ARHGEF3: variants seen among roughly 807,000 people sequenced by gnomAD.
ARHGEF3 encodes 59.8 kDA protein.
A neutral mutation model predicts 63.2 loss-of-function variants in ARHGEF3; 28 were observed. The ratio of observed to expected loss-of-function variants is 0.44; its 90% CI spans 0.33 to 0.61. ARHGEF3 has a LOEUF of 0.61. Ranked by LOEUF, ARHGEF3 falls within the 20% of genes least tolerant of loss-of-function variation. ARHGEF3 has a pLI of 0.03. For synonymous variants in ARHGEF3, 266 were observed against 254.2 expected, an observed-to-expected ratio of 1.05 and a Z score of -0.44; for missense variants, 533 against 659.3, an observed-to-expected ratio of 0.81 and a Z score of 2.10.
intron 4 of ARHGEF3, among the ~76,000 whole-genome samples, chr3:56,821,234 T>C (rs1407895695): frequency 6.6e-6 from 1 of 151,984 alleles, no homozygotes; most frequent in Non-Finnish European, 1.5e-5. Flanking sequence ...ATGAGTAAAG[T>C]GATATATGGC....
At chr3:56,847,368 G>C (rs570413861) in intron 4 of ARHGEF3, among the ~76,000 whole-genome samples, 1 of 152,238 alleles carries the variant, frequency 6.6e-6, no homozygotes, top group South Asian at 2.1e-4. Context: ...CTTCAATTTG[G>C]TTTCCCAAGC....
At chr3:56,787,490 G>A (rs1368151592) in intron 1 of ARHGEF3, among the ~76,000 whole-genome samples, 2 of 152,074 alleles carry the variant, frequency 1.3e-5, no homozygotes, top group Non-Finnish European at 2.9e-5. Context: ...GAAAGGAAAG[G>A]AGGCACTGAG....
At chr3:57,019,351 G>A (rs1703151253) in intron 2 of ARHGEF3, among the ~76,000 whole-genome samples, 1 of 151,972 alleles carries the variant, frequency 6.6e-6, no homozygotes, top group Non-Finnish European at 1.5e-5. Context: ...TTTTTTCCCT[G>A]GACCCAAGTG....
rs561138777 is a variant in ARHGEF3 at position 56,736,180 on chromosome 3, GCATT to G, written c.1041+1001_1041+1004del. 1.4e-3 allele frequency among the ~76,000 whole-genome samples: 219 copies of G among 151,964 alleles called. 1 individual carries two copies. Among genetic ancestry groups the G allele is most frequent in the African/African-American group, 4.9e-3 (201 of 41,410 alleles). ...CAAATTCATCTTTCCTTTTAAACAA[GCATT>G]CATTCATTGAGTACCCAGTATGTGC... is the stretch of plus-strand genomic sequence containing the variant. On this transcript the variant is annotated intron_variant, in intron 8 of 9. Transcript: ENST00000296315.
chr3:56,968,126 C>T lies in ARHGEF3; in HGVS notation c.63-9237G>A, dbSNP rs1320805774. Among the ~76,000 whole-genome samples, 128 of 26,482 alleles carry T rather than the reference C, an allele frequency of 4.8e-3. 3 individuals are homozygous for T. The East Asian group carries it at 0.049, about 10-fold the overall frequency. The allele number at this position is 26,482 out of a possible 152,430, so 17.4% of individuals were successfully genotyped here. A position where few individuals can be genotyped will look rare whatever the true frequency, so the allele number is the denominator to read the frequency against. On this transcript the variant is annotated intron_variant, in intron 2 of 12. Transcript: ENST00000338458. Reference sequence around the variant, plus strand: ...TATATTGTATATAATATATATAAAACATATATTTTTATATATAATATATAT... The same window carrying T: ...TATATTGTATATAATATATATAAAATATATATTTTTATATATAATATATAT...
chr3:56,916,582 G>A lies in ARHGEF3; in HGVS notation c.130-34228C>T, dbSNP rs1271998410. On this transcript the variant is annotated intron_variant, in intron 3 of 12. Coordinates refer to the ARHGEF3 transcript ENST00000338458. The stretch of plus-strand genomic sequence containing the variant: ...GCTGCTTTTGCAGAGCACTCTTTGG[G>A]CATTCAAAGGTACACCAGAAGTTCA... 5 of 1,017,846 alleles carry A rather than the reference G, an allele frequency of 4.9e-6. No individual in the cohort carries two copies. The African/African-American group carries it at 8.4e-5, about 17-fold the overall frequency. The allele number at this position is 1,017,846 out of a possible 1,614,324, so 63.1% of individuals were successfully genotyped here.
At chr3:56,754,902 G>T in intron 3 of ARHGEF3, 79 bp downstream of exon 3, 1 of 1,573,988 alleles carries the variant, frequency 6.4e-7, no homozygotes, top group Non-Finnish European at 8.7e-7. Context: ...GGAGACTAAG[G>T]CGCAAATTCC....
In ARHGEF3 at chr3:56,978,103, C is replaced by T. The variant is rs77953105; in HGVS notation, c.63-19214G>A. 2.8e-3 allele frequency among the ~76,000 whole-genome samples: 421 copies of T among 152,288 alleles called. 2 individuals are homozygous for T. Among genetic ancestry groups the T allele is most frequent in the African/African-American group, 9.8e-3 (407 of 41,552 alleles). The stretch of plus-strand genomic sequence containing the variant: ...TGGGGACCCCAGGTGCGGTCACCCC[C>T]GCCCCGTACTAGGCTACATGGCTTC... On this transcript the variant is annotated intron_variant, in intron 2 of 12. Transcript: ENST00000338458.
intron 2 of ARHGEF3, among the ~76,000 whole-genome samples, chr3:56,972,890 G>A (rs1700973897): frequency 6.6e-6 from 1 of 152,030 alleles, no homozygotes; most frequent in South Asian, 2.1e-4. Flanking sequence ...AGAAGCTCCA[G>A]GTGGCGAGAC....
At chr3:56,853,164 T>G (rs1437304233) in intron 4 of ARHGEF3, among the ~76,000 whole-genome samples, 1 of 150,850 alleles carries the variant, frequency 6.6e-6, no homozygotes, top group Non-Finnish European at 1.5e-5. Flanking sequence ...GGTACAGAGG[T>G]AACAGAACAG....
At position 57,055,854 on chromosome 3, in the gene ARHGEF3, T is replaced by C. The variant is rs553480967; in HGVS notation, c.-27-20678A>G. Among the ~76,000 whole-genome samples the C allele has an allele frequency of 1.3e-4, 20 of 152,270 alleles. No homozygotes were observed. In the South Asian group the frequency reaches 4.1e-3, roughly 32 times the overall value. On this transcript the variant is annotated intron_variant, in intron 1 of 12. Coordinates refer to the ARHGEF3 transcript ENST00000338458. The stretch of plus-strand genomic sequence containing the variant: ...TTAGGACACAAACTTCCACCTTATA[T>C]AAAGCTTCCACAACTTTCCATAAGT...
rs144162271 is a variant in ARHGEF3, at chr3:56,833,917, T to TCCC, written c.192+48374_192+48375insGGG. On this transcript the variant is annotated intron_variant, in intron 4 of 12. Coordinates refer to the ARHGEF3 transcript ENST00000338458. ...TTTCAATATTCCAATATTCTTTGTT[T>TCCC]TCCCCCCCCAATTTTTACTCTTGTC... Among the ~76,000 whole-genome samples the TCCC allele has an allele frequency of 2.1e-3, 305 of 148,018 alleles. 2 individuals carry two copies. The highest frequency in any genetic ancestry group is 7.0e-3 in the African/African-American group (276 of 39,200).
At chr3:56,769,440 G>C (rs2035890557) in intron 2 of ARHGEF3, among the ~76,000 whole-genome samples, 4 of 152,240 alleles carry the variant, frequency 2.6e-5, no homozygotes, top group Admixed American at 2.0e-4. Flanking sequence ...TAACCTTCCT[G>C]GTGAGAAGCA....
rs555586396 is a variant in ARHGEF3, at chr3:56,755,166, A to G, written c.205-15T>C. On this transcript the variant is annotated splice_polypyrimidine_tract_variant and intron_variant, in intron 2 of 9. Coordinates refer to ENST00000296315, the MANE Select transcript of ARHGEF3 (RefSeq NM_019555.3). ...CTAATGGAGCGCTAAACAATGAGAA[A>G]AACAAACCATCACGGGGGCAGCGGC... 8.7e-6 allele frequency: 14 copies of G among 1,611,104 alleles called. 1 individual carries two copies. The South Asian group carries it at 1.4e-4, about 16-fold the overall frequency.
chr3:56,849,096 CTTAATT>C (rs1235931417), intron 4 of ARHGEF3, among the ~76,000 whole-genome samples: 1 of 152,134 alleles, frequency 6.6e-6, no homozygotes, highest in African/African-American at 2.4e-5. Flanking sequence ...TTATTTTTAT[CTTAATT>C]TCAGTGAATC....
At chr3:56,971,144 G>A (rs1411512286) in intron 2 of ARHGEF3, among the ~76,000 whole-genome samples, 1 of 152,122 alleles carries the variant, frequency 6.6e-6, no homozygotes, top group Non-Finnish European at 1.5e-5. Flanking sequence ...TCATGGTGCG[G>A]CCCTCAGTAA....
At chr3:56,884,741 A>G (rs1449714793) in intron 3 of ARHGEF3, among the ~76,000 whole-genome samples, 1 of 152,256 alleles carries the variant, frequency 6.6e-6, no homozygotes, top group Non-Finnish European at 1.5e-5. Flanking sequence ...ACGTTTGTAC[A>G]GGGCCCTGAT....
intron 1 of ARHGEF3, among the ~76,000 whole-genome samples, chr3:56,790,469 C>A (rs1160362490): frequency 2.0e-5 from 3 of 152,172 alleles, no homozygotes. Context: ...CAAGATCACA[C>A]CCAGACATCC....
chr3:56,842,311 C>A (rs770442809), intron 4 of ARHGEF3, among the ~76,000 whole-genome samples: 17 of 152,174 alleles, frequency 1.1e-4, no homozygotes, highest in Non-Finnish European at 2.2e-4. Context: ...AATTGTCCAG[C>A]TAGCAGATCT....
Sources: gnomAD v4.1 joint callset for allele counts (sites outside exome capture counted in the v4.1 genomes callset) on GRCh38, gnomAD v4.1.1 for gene constraint, MANE v1.5 for transcripts, NCBI Gene and HGNC (gene_info 2026-07-23, HGNC 2026-07-21) for gene names.